CNOT6: variants seen among roughly 807,000 people sequenced by gnomAD.
The protein encoded by CNOT6 is CCR4-NOT transcription complex subunit 6.
A neutral mutation model predicts 61.2 loss-of-function variants in CNOT6; 12 were observed. That is an observed-to-expected ratio of 0.20 (90% CI 0.13 to 0.32). The LOEUF is 0.32. Ranked by LOEUF, CNOT6 falls within the 10% of genes least tolerant of loss-of-function variation. The probability of loss-of-function intolerance (pLI) is 1.00; values close to 1 mark genes in which losing one functional copy is unlikely to be tolerated. For synonymous variants in CNOT6, 225 were observed against 240.6 expected (o/e 0.94, Z 0.60); for missense variants, 405 against 663.9 (o/e 0.61, Z 4.28).
chr5:180,519,547 A>C (rs1333549353), intron 1 of CNOT6, among the ~76,000 whole-genome samples: 1 of 152,230 alleles, frequency 6.6e-6, no homozygotes, highest in African/African-American at 2.4e-5. Context: ...ATTTACATAA[A>C]ATGCAATGTA....
At chr5:180,557,927 G>T (rs573118951) in intron 4 of CNOT6, among the ~76,000 whole-genome samples, 10 of 152,192 alleles carry the variant, frequency 6.6e-5, no homozygotes, top group African/African-American at 2.4e-4. Flanking sequence ...GTGGCCTGTC[G>T]ATGTCCAGTT....
intron 1 of CNOT6, among the ~76,000 whole-genome samples, chr5:180,522,369 C>G (rs553124956): frequency 9.2e-5 from 14 of 152,072 alleles, no homozygotes; most frequent in African/African-American, 2.9e-4. Flanking sequence ...CCTCGTAGGC[C>G]CCCCAAAATG....
intron 1 of CNOT6, among the ~76,000 whole-genome samples, chr5:180,507,428 C>T (rs376649650): frequency 4.2e-4 from 64 of 152,050 alleles, no homozygotes; most frequent in African/African-American, 1.4e-3. Flanking sequence ...GGTGAAACCC[C>T]GTCTCTACTA....
intron 1 of CNOT6, among the ~76,000 whole-genome samples, chr5:180,499,408 G>A (rs1414446312): frequency 6.6e-6 from 1 of 152,198 alleles, no homozygotes; most frequent in Non-Finnish European, 1.5e-5. Flanking sequence ...GGTTTGCTAG[G>A]ATATGGGTTG....
At chr5:180,535,568 C>T (rs757355602) in intron 2 of CNOT6, among the ~76,000 whole-genome samples, 11 of 152,188 alleles carry the variant, frequency 7.2e-5, no homozygotes, top group Non-Finnish European at 1.2e-4. Flanking sequence ...CATTGTTGGA[C>T]ACTTAGGTTG....
At chr5:180,509,494 A>G (rs567361898) in intron 1 of CNOT6, among the ~76,000 whole-genome samples, 266 of 151,690 alleles carry the variant, frequency 1.8e-3, no homozygotes, top group Non-Finnish European at 3.3e-3. Context: ...CCCAGGCTAG[A>G]GTGCAATGGC....
At chr5:180,548,277 G>A (rs1759413367) in intron 2 of CNOT6, among the ~76,000 whole-genome samples, 2 of 152,252 alleles carry the variant, frequency 1.3e-5, no homozygotes, top group South Asian at 4.1e-4. Context: ...CTGACATTTA[G>A]GAACGAAGTC....
intron 1 of CNOT6, among the ~76,000 whole-genome samples, chr5:180,521,129 G>A (rs920834487): frequency 3.3e-5 from 5 of 152,092 alleles, no homozygotes; most frequent in East Asian, 3.8e-4. Flanking sequence ...GTGAGACACC[G>A]CGCCTGGCAC....
At chr5:180,557,098 A>AGTAGT (rs1291388880) in intron 4 of CNOT6, among the ~76,000 whole-genome samples, 1 of 152,240 alleles carries the variant, frequency 6.6e-6, no homozygotes, top group African/African-American at 2.4e-5. Context: ...AGACAAAAGT[A>AGTAGT]GTAGTCTATG....
chr5:180,546,025 C>T (rs1162137941), intron 2 of CNOT6, among the ~76,000 whole-genome samples: 3 of 146,534 alleles, frequency 2.0e-5, no homozygotes, highest in African/African-American at 5.0e-5. Flanking sequence ...TTATTTCTTT[C>T]TCTCTCTTTT....
rs1364018893 is a variant in CNOT6, at chr5:180,576,739, A to G, written c.*2539A>G. ...TGATGCTTTTGTTAAGAAAGGTTTC[A>G]TGTTTTAGATATTTTCCGTGTCCTA... On this transcript the variant is annotated 3_prime_UTR_variant, in exon 12 of 12. Coordinates refer to ENST00000261951, the MANE Select transcript of CNOT6 (RefSeq NM_001370472.1). 6.6e-6 allele frequency: 1 copy of G among 152,224 alleles called. No individual in the cohort carries two copies. Among genetic ancestry groups the G allele is most frequent in the African/African-American group, 2.4e-5 (1 of 41,456 alleles). 9.4% of individuals were successfully genotyped at this position (152,224 alleles called of 1,614,324 possible).
intron 2 of CNOT6, among the ~76,000 whole-genome samples, chr5:180,539,548 G>GTTGTTTTT (rs1561648866): frequency 2.2e-5 from 1 of 45,826 alleles, no homozygotes; most frequent in African/African-American, 7.6e-5. Flanking sequence ...TACTTTTTCT[G>GTTGTTTTT]TTCTTTTTTT....
intron 4 of CNOT6, among the ~76,000 whole-genome samples, chr5:180,559,577 A>G (rs1011797020): frequency 2.0e-5 from 3 of 152,156 alleles, no homozygotes; most frequent in South Asian, 4.1e-4. Flanking sequence ...GTATATTTAG[A>G]CCATTTACAT....
At chr5:180,566,146 G>T (rs1281739299) in intron 7 of CNOT6, among the ~76,000 whole-genome samples, 169 bp downstream of exon 7, 1 of 152,206 alleles carries the variant, frequency 6.6e-6, no homozygotes, top group Non-Finnish European at 1.5e-5. Flanking sequence ...GCAGTGCTAT[G>T]TTGCAAAATA....
intron 1 of CNOT6, among the ~76,000 whole-genome samples, chr5:180,508,543 C>T (rs183154831): frequency 0.017 from 2,608 of 152,266 alleles, 61 homozygotes; most frequent in Admixed American, 0.078. Context: ...ATCTCCTGAC[C>T]TTGTAATCCA....
At chr5:180,567,746 A>T in intron 8 of CNOT6, 103 bp from the exon 9 acceptor site, 2 of 1,489,778 alleles carry the variant, frequency 1.3e-6, no homozygotes, top group Non-Finnish European at 1.9e-6. Flanking sequence ...TTTAAGTGCC[A>T]TCGTATCTGT....
intron 11 of CNOT6, among the ~76,000 whole-genome samples, chr5:180,572,797 C>T (rs550271981): frequency 6.6e-6 from 1 of 152,146 alleles, no homozygotes; most frequent in African/African-American, 2.4e-5. Context: ...CTCAAGCAAT[C>T]CTCCTGCCTT....
chr5:180,574,134 A>C lies in CNOT6; in HGVS notation c.1608A>C (p.Ala536=), dbSNP rs1305515194. ...LIPSDHFSLF[A]QLELLLPFLP... is the part of the protein sequence containing the mutation. ...CCTCTGACCACTTCTCACTTTTTGCACAACTGGAGCTCTTACTGCCTTTCC... is the reference window on the plus strand; with the variant it reads ...CCTCTGACCACTTCTCACTTTTTGCCCAACTGGAGCTCTTACTGCCTTTCC... The change falls in exon 12 of 12, where the codon GCA becomes GCC. Residue 536 remains alanine (A), a synonymous_variant. Coordinates refer to ENST00000261951, the MANE Select transcript of CNOT6 (RefSeq NM_001370472.1). 1 of 1,614,048 alleles carries C rather than the reference A, an allele frequency of 6.2e-7. No homozygotes were observed. The highest frequency in any genetic ancestry group is 1.1e-5 in the South Asian group (1 of 91,078).
intron 4 of CNOT6, among the ~76,000 whole-genome samples, chr5:180,556,401 A>G (rs1759894237): frequency 6.6e-6 from 1 of 152,238 alleles, no homozygotes. Flanking sequence ...TTAACAGCTA[A>G]AAGAATGGAT....
Sources: gnomAD v4.1 joint callset for allele counts (sites outside exome capture counted in the v4.1 genomes callset) on GRCh38, gnomAD v4.1.1 for gene constraint, MANE v1.5 for transcripts, NCBI Gene and HGNC (gene_info 2026-07-23, HGNC 2026-07-21) for gene names.